Variants in RPS6KA2 observed in about 807,000 individuals in gnomAD.
RPS6KA2 encodes ribosomal protein S6 kinase A2.
Under a neutral mutation model 91.8 loss-of-function variants are expected in RPS6KA2, and 42 were observed. The ratio of observed to expected loss-of-function variants is 0.46; its 90% CI spans 0.36 to 0.59. The LOEUF is 0.59. Among genes scored for constraint, RPS6KA2 ranks in the 20% least tolerant of loss-of-function variants. RPS6KA2 has a pLI of 0.00. For missense variants in RPS6KA2, 798 were observed against 978.5 expected (o/e 0.82, Z 2.46); for synonymous variants, 414 against 393.6 (o/e 1.05, Z -0.61).
chr6:166,618,960 TC>T (rs1256135799), intron 1 of RPS6KA2, among the ~76,000 whole-genome samples: 3 of 152,176 alleles, frequency 2.0e-5, no homozygotes, highest in Non-Finnish European at 4.4e-5. Flanking sequence ...ATTGACGCCA[TC>T]AGATTCGCCC....
At chr6:166,679,081 AG>A (rs1278249629) in intron 2 of RPS6KA2, among the ~76,000 whole-genome samples, 1 of 152,252 alleles carries the variant, frequency 6.6e-6, no homozygotes, top group Non-Finnish European at 1.5e-5. Context: ...AGAACTAAAT[AG>A]TAAGTTTGGA....
intron 1 of RPS6KA2, among the ~76,000 whole-genome samples, chr6:166,553,461 T>G (rs1358539027): frequency 6.6e-6 from 1 of 151,418 alleles, no homozygotes; most frequent in East Asian, 1.9e-4. Context: ...TTTTTTTTTT[T>G]TCCTTAAACT....
At chr6:166,444,410 G>A (rs1779612566) in intron 14 of RPS6KA2, among the ~76,000 whole-genome samples, 2 of 152,140 alleles carry the variant, frequency 1.3e-5, no homozygotes, top group South Asian at 2.1e-4. Flanking sequence ...AAACAAAGGC[G>A]GACTTTAGTT....
At chr6:166,693,272 G>A (rs1216213002) in intron 2 of RPS6KA2, among the ~76,000 whole-genome samples, 2 of 152,200 alleles carry the variant, frequency 1.3e-5, no homozygotes, top group Non-Finnish European at 2.9e-5. Flanking sequence ...CAGATGTTCT[G>A]GGACCTTCTC....
intron 3 of RPS6KA2, among the ~76,000 whole-genome samples, chr6:166,525,315 G>A (rs990690132): frequency 6.6e-6 from 1 of 152,218 alleles, no homozygotes; most frequent in Non-Finnish European, 1.5e-5. Context: ...GCTTTGTCAA[G>A]TTAAAGGAGT....
chr6:166,754,194 C>G (rs1412938067), intron 2 of RPS6KA2, among the ~76,000 whole-genome samples: 1 of 152,230 alleles, frequency 6.6e-6, no homozygotes, highest in African/African-American at 2.4e-5. Flanking sequence ...TACACAAAAG[C>G]TACCAGTTTT....
intron 2 of RPS6KA2, among the ~76,000 whole-genome samples, chr6:166,667,614 T>C (rs1330586506): frequency 2.0e-5 from 3 of 152,306 alleles, no homozygotes; most frequent in Non-Finnish European, 4.4e-5. Flanking sequence ...TTTCAAACTT[T>C]CTACACCTGA....
At chr6:166,660,339 T>C (rs986813822) in intron 2 of RPS6KA2, among the ~76,000 whole-genome samples, 4 of 151,138 alleles carry the variant, frequency 2.6e-5, no homozygotes, top group Non-Finnish European at 5.9e-5. Flanking sequence ...TGTGTGTGTG[T>C]GCGGGTTGGT....
At chr6:166,555,995 G>T (rs1056486854) in intron 1 of RPS6KA2, among the ~76,000 whole-genome samples, 1 of 152,192 alleles carries the variant, frequency 6.6e-6, no homozygotes, top group Non-Finnish European at 1.5e-5. Flanking sequence ...GGGGCAGTGA[G>T]CTCAGGACTG....
chr6:166,768,266 C>T (rs1189842636), intron 2 of RPS6KA2, among the ~76,000 whole-genome samples: 1 of 152,154 alleles, frequency 6.6e-6, no homozygotes, highest in African/African-American at 2.4e-5. Context: ...GGAACTGGAA[C>T]CTCCTTTGTG....
intron 2 of RPS6KA2, among the ~76,000 whole-genome samples, chr6:166,773,014 T>C (rs940518102): frequency 1.5e-4 from 23 of 152,264 alleles, no homozygotes; most frequent in Admixed American, 1.3e-3. Flanking sequence ...TCCTCCAAAC[T>C]GGCCCCCACA....
At chr6:166,818,459 G>A (rs1779825257) in intron 2 of RPS6KA2, among the ~76,000 whole-genome samples, 1 of 152,158 alleles carries the variant, frequency 6.6e-6, no homozygotes, top group East Asian at 1.9e-4. Flanking sequence ...CACGTTAGCT[G>A]GCAGGTCCAT....
chr6:166,856,012 T>G (rs533862552), intron 2 of RPS6KA2, among the ~76,000 whole-genome samples: 14 of 152,348 alleles, frequency 9.2e-5, no homozygotes, highest in African/African-American at 3.1e-4. Context: ...CATTCTATGA[T>G]AGATTCACAT....
At chr6:166,633,822 C>G (rs1355766132) in intron 2 of RPS6KA2, among the ~76,000 whole-genome samples, 2 of 152,156 alleles carry the variant, frequency 1.3e-5, no homozygotes, top group East Asian at 3.8e-4. Flanking sequence ...AAGATCATCA[C>G]GGGCTAGTGA....
chr6:166,814,863 T>A (rs1178979150), intron 2 of RPS6KA2, among the ~76,000 whole-genome samples: 1 of 152,220 alleles, frequency 6.6e-6, no homozygotes, highest in Non-Finnish European at 1.5e-5. Flanking sequence ...TACGTGATGA[T>A]GAGTTGTATC....
intron 1 of RPS6KA2, among the ~76,000 whole-genome samples, chr6:166,546,446 ATTAT>A (rs1250897552): frequency 1.3e-5 from 2 of 151,806 alleles, no homozygotes; most frequent in African/African-American, 4.8e-5. Flanking sequence ...CCAATGGGAC[ATTAT>A]TTATGCTAGT....
intron 3 of RPS6KA2, among the ~76,000 whole-genome samples, chr6:166,526,188 T>A (rs780733744): frequency 6.6e-5 from 10 of 152,092 alleles, no homozygotes; most frequent in Non-Finnish European, 1.3e-4. Context: ...TAGATTCCAA[T>A]GAAATTTTTG....
At chr6:166,614,316 T>C (rs1786316843) in intron 1 of RPS6KA2, among the ~76,000 whole-genome samples, 1 of 152,330 alleles carries the variant, frequency 6.6e-6, no homozygotes, top group Middle Eastern at 3.4e-3. Flanking sequence ...CATGTGGACA[T>C]CTAGTGAACA....
chr6:166,530,546 TCATCTGTCCAGTG>T (rs1439221452), intron 3 of RPS6KA2, among the ~76,000 whole-genome samples: 1 of 152,162 alleles, frequency 6.6e-6, no homozygotes. Context: ...TGCTGTCAGT[TCATCTGTCCAGTG>T]CCCGGCGCTG....
Sources: allele counts gnomAD v4.1 joint callset (sites outside exome capture counted in the v4.1 genomes callset), GRCh38; gene constraint gnomAD v4.1.1; transcripts MANE v1.5; gene names NCBI Gene and HGNC (gene_info 2026-07-23, HGNC 2026-07-21).